RFTN2: variants seen among roughly 807,000 people sequenced by gnomAD.
RFTN2 encodes the protein raftlin-2.
RFTN2 carries 34 observed loss-of-function variants against 52.7 expected under a neutral mutation model. The observed-to-expected ratio is 0.64, with a 90% CI of 0.49 to 0.86. RFTN2 has a LOEUF of 0.86. Ranked by LOEUF, RFTN2 falls within the 40% of genes least tolerant of loss-of-function variation. The pLI is 0.00. For missense variants in RFTN2, 536 were observed against 600.1 expected, an observed-to-expected ratio of 0.89 and a Z score of 1.12; for synonymous variants, 203 against 217.7, an observed-to-expected ratio of 0.93 and a Z score of 0.59.
intron 8 of RFTN2, among the ~76,000 whole-genome samples, chr2:197,594,740 T>G (rs1281608027): frequency 1.3e-5 from 2 of 152,204 alleles, no homozygotes; most frequent in Non-Finnish European, 2.9e-5. Flanking sequence ...TCTGTGTACT[T>G]GGTCATTCTA....
intron 7 of RFTN2, among the ~76,000 whole-genome samples, chr2:197,611,132 G>T (rs945965366): frequency 6.6e-6 from 1 of 152,202 alleles, no homozygotes; most frequent in African/African-American, 2.4e-5. Flanking sequence ...CCTCAAAAAT[G>T]AGTTAGGGGG....
At chr2:197,627,868 G>T (rs1166747411) in intron 5 of RFTN2, among the ~76,000 whole-genome samples, 1 of 148,682 alleles carries the variant, frequency 6.7e-6, no homozygotes, top group Non-Finnish European at 1.5e-5. Context: ...TTGAACATCT[G>T]TCCCCCGCCC....
At chr2:197,636,677 G>A (rs1366103288) in intron 3 of RFTN2, among the ~76,000 whole-genome samples, 2,204 of 92,316 alleles carry the variant, frequency 0.024, 1 homozygote, top group South Asian at 0.038. Flanking sequence ...CAATCATGTC[G>A]TCTGCAAACA....
intron 1 of RFTN2, among the ~76,000 whole-genome samples, chr2:197,659,480 A>T (rs1261348963): frequency 1.1e-5 from 1 of 92,094 alleles, no homozygotes; most frequent in African/African-American, 4.4e-5. Flanking sequence ...CATCTCATAA[A>T]AAAAAAAAAA....
At chr2:197,576,156 G>T (rs557955490) in intron 8 of RFTN2, among the ~76,000 whole-genome samples, 22 of 151,938 alleles carry the variant, frequency 1.4e-4, no homozygotes, top group Admixed American at 1.4e-3. Flanking sequence ...CTCCAGGCAT[G>T]CGCCACCTTG....
At chr2:197,646,892 C>A (rs1408760617) in intron 1 of RFTN2, among the ~76,000 whole-genome samples, 1 of 58,372 alleles carries the variant, frequency 1.7e-5, no homozygotes, top group East Asian at 5.4e-4. Context: ...AGGACATTGT[C>A]TCTACAAAAA....
chr2:197,646,886 C>T (rs541442290), intron 1 of RFTN2, among the ~76,000 whole-genome samples: 1 of 72,986 alleles, frequency 1.4e-5, no homozygotes, highest in African/African-American at 5.7e-5. Context: ...CATAGTAGGA[C>T]ATTGTCTCTA....
In RFTN2 at chr2:197,646,433, C is replaced by A. The variant is rs191305356; in HGVS notation, c.323+50G>T. ...GATTCAAATTTTTTTTTCTTTTAGA[C>A]AAAGAGAACTGTCACCCTCACCTGC... On this transcript the variant is annotated intron_variant, in intron 2 of 8. Coordinates refer to ENST00000295049, the MANE Select transcript of RFTN2 (RefSeq NM_144629.3). 218 of 1,467,146 alleles carry A rather than the reference C, an allele frequency of 1.5e-4. 3 individuals carry two copies. The Admixed American group carries it at 4.4e-3, about 30-fold the overall frequency. The allele number at this position is 1,467,146 out of a possible 1,614,324, so 90.9% of individuals were successfully genotyped here.
chr2:197,648,908 T>C (rs1348713878), intron 1 of RFTN2, among the ~76,000 whole-genome samples: 2 of 152,204 alleles, frequency 1.3e-5, no homozygotes, highest in Admixed American at 6.5e-5. Flanking sequence ...GCTTATCAGA[T>C]TGTATTATAG....
At chr2:197,598,143 T>C (rs1178718465) in intron 7 of RFTN2, among the ~76,000 whole-genome samples, 2 of 151,932 alleles carry the variant, frequency 1.3e-5, no homozygotes, top group East Asian at 1.9e-4. Flanking sequence ...ACTGAGACTC[T>C]TGTATCTACA....
At chr2:197,636,496 A>T (rs1208079155) in intron 3 of RFTN2, among the ~76,000 whole-genome samples, 19 of 98,012 alleles carry the variant, frequency 1.9e-4, no homozygotes, top group Admixed American at 6.8e-4. Flanking sequence ...ATTCTCTTTG[A>T]AGCAATTGTG....
intron 1 of RFTN2, among the ~76,000 whole-genome samples, chr2:197,653,823 C>T (rs565816254): frequency 5.2e-4 from 79 of 152,338 alleles, no homozygotes; most frequent in African/African-American, 1.9e-3. Flanking sequence ...TCTCAACCAA[C>T]TGCTCATTGA....
chr2:197,631,151 T>G lies in RFTN2; in HGVS notation c.788A>C (p.Glu263Ala), dbSNP rs781031188. The stretch of plus-strand genomic sequence containing the variant: ...TGTTACTTTCATTGACAGGATGCCT[T>G]CCTGATAGGCCCAGGAGGTTGAATC... ...DDDSTSWAYQ[E>A]GILSMKVTRK... The change falls in exon 5 of 9, where the codon GAA becomes GCA. Residue 263 changes from glutamate to alanine, a missense_variant. Coordinates refer to ENST00000295049, the MANE Select transcript of RFTN2 (RefSeq NM_144629.3). 30 of 1,613,620 alleles carry G rather than the reference T, an allele frequency of 1.9e-5. No homozygotes were observed. Among genetic ancestry groups the G allele is most frequent in the Non-Finnish European group, 2.5e-5 (29 of 1,179,764 alleles).
intron 6 of RFTN2, among the ~76,000 whole-genome samples, chr2:197,616,535 T>C (rs2088148930): frequency 6.6e-6 from 1 of 152,012 alleles, no homozygotes; most frequent in Non-Finnish European, 1.5e-5. Flanking sequence ...CAAGTTATCC[T>C]CCCATTTCAC....
At chr2:197,586,105 T>G (rs978926519) in intron 8 of RFTN2, among the ~76,000 whole-genome samples, 3 of 152,192 alleles carry the variant, frequency 2.0e-5, no homozygotes, top group Admixed American at 6.5e-5. Context: ...ACGGGCAAAC[T>G]TAAAAACATT....
In RFTN2 at chr2:197,640,114, G is replaced by A. The variant is rs990871145; in HGVS notation, c.438+4044C>T. ...TGCCCGTTCTCAGATCTCCAGCTGC[G>A]TGCTGGGAGAACCACTGCTCTCTTC... On this transcript the variant is annotated intron_variant, in intron 3 of 8. Transcript: ENST00000295049. 3.4e-3 allele frequency among the ~76,000 whole-genome samples: 515 copies of A among 152,344 alleles called. 2 individuals carry two copies. Among genetic ancestry groups the A allele is most frequent in the African/African-American group, 8.3e-3 (346 of 41,580 alleles).
chr2:197,659,830 T>G (rs922879467), intron 1 of RFTN2, among the ~76,000 whole-genome samples: 1 of 151,640 alleles, frequency 6.6e-6, no homozygotes, highest in Admixed American at 6.6e-5. Flanking sequence ...AAAAAAAAAA[T>G]GCTATGTATA....
In RFTN2 at chr2:197,608,255, T is replaced by C. The variant is rs72916907; in HGVS notation, c.1154+7621A>G. Among the ~76,000 whole-genome samples, 1,041 of 151,924 alleles carry C rather than the reference T, an allele frequency of 6.9e-3. 4 individuals carry two copies. Among genetic ancestry groups the C allele is most frequent in the Middle Eastern group, 0.031 (9 of 294 alleles). On this transcript the variant is annotated intron_variant, in intron 7 of 8. Coordinates refer to ENST00000295049, the MANE Select transcript of RFTN2 (RefSeq NM_144629.3). Reference sequence around the variant, plus strand: ...TGGAAGAGGGGAGCAGAGCTCAGCATCACAGTGAGAAGACCAATTTCTCTT... The same window carrying C: ...TGGAAGAGGGGAGCAGAGCTCAGCACCACAGTGAGAAGACCAATTTCTCTT...
intron 5 of RFTN2, among the ~76,000 whole-genome samples, chr2:197,620,179 T>G (rs1447323301): frequency 1.3e-5 from 2 of 151,836 alleles, no homozygotes; most frequent in Non-Finnish European, 2.9e-5. Flanking sequence ...TTTACCTCAA[T>G]GATGGGTTAA....
Sources: allele counts gnomAD v4.1 joint callset (sites outside exome capture counted in the v4.1 genomes callset), GRCh38; gene constraint gnomAD v4.1.1; transcripts MANE v1.5; gene names NCBI Gene and HGNC (gene_info 2026-07-23, HGNC 2026-07-21).